CAAP1: variants seen among roughly 807,000 people sequenced by gnomAD.
The protein encoded by CAAP1 is conserved anti-apoptotic protein.
A neutral mutation model predicts 34.0 loss-of-function variants in CAAP1; 20 were observed. The observed-to-expected ratio is 0.59, with a 90% CI of 0.41 to 0.86. CAAP1 has a LOEUF of 0.86. Among genes scored for constraint, CAAP1 ranks in the 40% least tolerant of loss-of-function variants. The pLI is 0.00. For missense variants in CAAP1, 538 were observed against 450.5 expected, an observed-to-expected ratio of 1.19 and a Z score of -1.76; for synonymous variants, 213 against 166.7, an observed-to-expected ratio of 1.28 and a Z score of -2.14.
intron 5 of CAAP1, among the ~76,000 whole-genome samples, chr9:26,844,271 C>T (rs527472058): frequency 2.0e-5 from 3 of 152,236 alleles, no homozygotes; most frequent in East Asian, 3.9e-4. Flanking sequence ...GCAAGAGAAT[C>T]ACTTGAACCT....
At chr9:26,864,425 T>C (rs1823080240) in intron 4 of CAAP1, among the ~76,000 whole-genome samples, 1 of 152,182 alleles carries the variant, frequency 6.6e-6, no homozygotes, top group Non-Finnish European at 1.5e-5. Context: ...CTCACATCTC[T>C]ATTGTGTCCC....
At position 26,860,971 on chromosome 9, in the gene CAAP1, A is replaced by C; in HGVS notation, c.739+95T>G. 3.5e-6 allele frequency: 3 copies of C among 863,546 alleles called. No individual in the cohort carries two copies. The South Asian group carries it at 4.2e-5, about 12-fold the overall frequency. The allele number at this position is 863,546 out of a possible 1,614,324, so 53.5% of individuals were successfully genotyped here. The stretch of plus-strand genomic sequence containing the variant: ...AAATTGCTCTCTTCCTCTATCTGTA[A>C]AATGGGGTGAGTTAGACACTGAAAA... On this transcript the variant is annotated intron_variant, in intron 5 of 5. Coordinates refer to ENST00000333916, the MANE Select transcript of CAAP1 (RefSeq NM_024828.4).
At chr9:26,885,000 G>A in intron 3 of CAAP1, 115 bp from the exon 4 acceptor site, 1 of 706,282 alleles carries the variant, frequency 1.4e-6, no homozygotes, top group Non-Finnish European at 2.3e-6. Flanking sequence ...ACTTTATACT[G>A]GGTCAAAACT....
chr9:26,891,790 G>C (rs1013897105), intron 1 of CAAP1, among the ~76,000 whole-genome samples: 4 of 152,180 alleles, frequency 2.6e-5, no homozygotes. Context: ...TAATGGAGGG[G>C]CAAGAAAAGG....
chr9:26,860,576 A>AG (rs1369015829), intron 5 of CAAP1, among the ~76,000 whole-genome samples: 5 of 152,092 alleles, frequency 3.3e-5, no homozygotes, highest in Admixed American at 3.3e-4. Context: ...GTGGATCACA[A>AG]GGTCAGGAGA....
At chr9:26,868,880 C>T (rs1823204806) in intron 4 of CAAP1, among the ~76,000 whole-genome samples, 1 of 152,220 alleles carries the variant, frequency 6.6e-6, no homozygotes, top group South Asian at 2.1e-4. Flanking sequence ...CTTGCTTGTA[C>T]TCTGCTTCAG....
At chr9:26,850,335 G>A (rs1269724587) in intron 5 of CAAP1, among the ~76,000 whole-genome samples, 2 of 152,116 alleles carry the variant, frequency 1.3e-5, no homozygotes, top group African/African-American at 4.8e-5. Flanking sequence ...AGTGGGGGTT[G>A]GAGAGACAGA....
chr9:26,846,875 C>T (rs372963817), intron 5 of CAAP1, among the ~76,000 whole-genome samples: 19 of 151,608 alleles, frequency 1.3e-4, no homozygotes, highest in Non-Finnish European at 1.5e-5. Flanking sequence ...TTAGTAGAGA[C>T]GGGGTTTCTC....
chr9:26,860,542 C>T (rs1822978693), intron 5 of CAAP1, among the ~76,000 whole-genome samples: 1 of 152,176 alleles, frequency 6.6e-6, no homozygotes, highest in Admixed American at 6.5e-5. Flanking sequence ...CCTGTAATCC[C>T]AGCACTTTGG....
chr9:26,873,182 C>G (rs1823323140), intron 4 of CAAP1, among the ~76,000 whole-genome samples: 2 of 152,182 alleles, frequency 1.3e-5, no homozygotes, highest in Admixed American at 1.3e-4. Context: ...ATCACTTCAG[C>G]AGTGACCCGT....
chr9:26,892,560 G>C lies in CAAP1; in HGVS notation c.156C>G (p.Val52=). The C allele has an allele frequency of 6.3e-7, 1 of 1,587,908 alleles. No homozygotes were observed. Among genetic ancestry groups the C allele is most frequent in the Non-Finnish European group, 8.6e-7 (1 of 1,167,694 alleles). The change falls in exon 1 of 6, where the codon GTC becomes GTG. Residue 52 remains valine, a synonymous_variant. Coordinates refer to ENST00000333916, the MANE Select transcript of CAAP1 (RefSeq NM_024828.4). ...GCGSAGGCGS[V]SCCGNANFSG... is the part of the protein sequence containing the mutation. ...TAAAATTGGCGTTCCCACAGCAGCT[G>C]ACGCTCCCGCAGCCCCCGGCGCTCC...
chr9:26,853,069 T>C (rs1409811463), intron 5 of CAAP1, among the ~76,000 whole-genome samples: 1 of 152,094 alleles, frequency 6.6e-6, no homozygotes, highest in Non-Finnish European at 1.5e-5. Flanking sequence ...GGATTTTGTG[T>C]AGAGATGGGA....
intron 5 of CAAP1, among the ~76,000 whole-genome samples, chr9:26,849,772 TAGTTCA>T (rs1259810850): frequency 6.6e-6 from 1 of 152,210 alleles, no homozygotes; most frequent in African/African-American, 2.4e-5. Flanking sequence ...AACACCTCTT[TAGTTCA>T]TAAACAGATT....
At chr9:26,877,525 T>C (rs1054465044) in intron 4 of CAAP1, among the ~76,000 whole-genome samples, 2 of 152,170 alleles carry the variant, frequency 1.3e-5, no homozygotes, top group Non-Finnish European at 2.9e-5. Flanking sequence ...TGCATCCTTC[T>C]TTCACCCAAC....
intron 4 of CAAP1, among the ~76,000 whole-genome samples, chr9:26,866,429 GT>G: frequency 6.6e-6 from 1 of 152,192 alleles, no homozygotes; most frequent in Non-Finnish European, 1.5e-5. Context: ...CTGGTTTACT[GT>G]GGTTGCCTAT....
chr9:26,855,336 G>A (rs1260310465), intron 5 of CAAP1, among the ~76,000 whole-genome samples: 1 of 152,048 alleles, frequency 6.6e-6, no homozygotes, highest in East Asian at 1.9e-4. Context: ...GGAGAGAGTG[G>A]GCAGGATAAA....
chr9:26,864,483 G>A (rs1023050276), intron 4 of CAAP1, among the ~76,000 whole-genome samples: 1 of 150,834 alleles, frequency 6.6e-6, no homozygotes, highest in African/African-American at 2.5e-5. Flanking sequence ...TACACCTGCT[G>A]AAGGAAACTT....
intron 5 of CAAP1, among the ~76,000 whole-genome samples, chr9:26,844,911 C>T (rs1342233007): frequency 6.6e-6 from 1 of 152,170 alleles, no homozygotes; most frequent in Non-Finnish European, 1.5e-5. Context: ...ACGTGGCAAG[C>T]CCTTTCAGGG....
intron 4 of CAAP1, among the ~76,000 whole-genome samples, chr9:26,876,721 T>C (rs1436112351): frequency 6.6e-6 from 1 of 152,158 alleles, no homozygotes; most frequent in African/African-American, 2.4e-5. Flanking sequence ...TAGCAGGCTA[T>C]AGTTTAAGCA....
Sources: allele counts gnomAD v4.1 joint callset (sites outside exome capture counted in the v4.1 genomes callset), GRCh38; gene constraint gnomAD v4.1.1; transcripts MANE v1.5; gene names NCBI Gene and HGNC (gene_info 2026-07-23, HGNC 2026-07-21).